The following LRRTM3 variants were observed in gnomAD, a reference collection of about 807,000 sequenced individuals.
LRRTM3 encodes leucine-rich repeat transmembrane neuronal protein 3.
LRRTM3 carries 24 observed loss-of-function variants against 44.7 expected under a neutral mutation model. The ratio of observed to expected loss-of-function variants is 0.54; its 90% CI spans 0.39 to 0.76. The LOEUF is 0.76. LRRTM3 is among the 30% of genes least tolerant of loss of function. LRRTM3 has a pLI of 0.00. For missense variants in LRRTM3, 587 were observed against 702.2 expected, an observed-to-expected ratio of 0.84 and a Z score of 1.85; for synonymous variants, 277 against 278.7, an observed-to-expected ratio of 0.99 and a Z score of 0.06.
At chr10:66,978,317 G>A (rs181895336) in intron 2 of LRRTM3, among the ~76,000 whole-genome samples, 161 of 151,736 alleles carry the variant, frequency 1.1e-3, no homozygotes, top group Non-Finnish European at 1.9e-3. Flanking sequence ...CTTGAGGTCA[G>A]GAGTTCGAGA....
intron 2 of LRRTM3, among the ~76,000 whole-genome samples, chr10:67,020,735 A>G (rs1348645686): frequency 6.6e-6 from 1 of 152,194 alleles, no homozygotes; most frequent in African/African-American, 2.4e-5. Context: ...AAAAAGGCAT[A>G]ATGAAAATAC....
chr10:67,012,981 C>T (rs1852435939), intron 2 of LRRTM3: 1 of 151,970 alleles, frequency 6.6e-6, no homozygotes, highest in Non-Finnish European at 1.5e-5. Context: ...TTATATTTTC[C>T]AGGTAAGGCA....
intron 2 of LRRTM3, among the ~76,000 whole-genome samples, chr10:66,936,234 A>T (rs528803595): frequency 4.7e-4 from 71 of 152,274 alleles, no homozygotes; most frequent in Non-Finnish European, 9.6e-4. Flanking sequence ...AAAATGCAAG[A>T]GCATTAAGCT....
chr10:67,015,069 T>C (rs374460508), intron 2 of LRRTM3, among the ~76,000 whole-genome samples: 22 of 152,218 alleles, frequency 1.4e-4, no homozygotes, highest in African/African-American at 5.3e-4. Flanking sequence ...GGAAAAACTT[T>C]AGGAGGTTAG....
rs56664927 is a variant in LRRTM3, at chr10:66,972,700, ATTTTTTTT to A, written c.1536+44267_1536+44274del. On this transcript the variant is annotated intron_variant, in intron 2 of 2. Coordinates refer to ENST00000361320, the MANE Select transcript of LRRTM3 (RefSeq NM_178011.5). ...ACAATTTAAAGGTTCTGTCAAATAG[ATTTTTTTT>A]TTTTTTTTTTTTTTTTTTATGAAAT... Among the ~76,000 whole-genome samples the A allele has an allele frequency of 6.6e-4, 72 of 108,658 alleles. 1 individual carries two copies. The South Asian group carries it at 0.021, about 31-fold the overall frequency. 71.3% of individuals were successfully genotyped at this position (108,658 alleles called of 152,430 possible).
At chr10:67,024,846 G>C (rs1465768351) in intron 2 of LRRTM3, among the ~76,000 whole-genome samples, 1 of 152,028 alleles carries the variant, frequency 6.6e-6, no homozygotes, top group Non-Finnish European at 1.5e-5. Context: ...GAAACCACAA[G>C]AGGCCGGGTG....
chr10:66,995,804 T>C (rs1285905146), intron 2 of LRRTM3, among the ~76,000 whole-genome samples: 1 of 152,174 alleles, frequency 6.6e-6, no homozygotes, highest in Admixed American at 6.5e-5. Flanking sequence ...TAAGGTCTAA[T>C]ACAAGCATTA....
At chr10:66,984,752 A>G (rs375119308) in intron 2 of LRRTM3, among the ~76,000 whole-genome samples, 1 of 152,196 alleles carries the variant, frequency 6.6e-6, no homozygotes, top group Admixed American at 6.5e-5. Context: ...TGCTACAAAG[A>G]AAGGAAAACG....
chr10:66,967,952 T>C (rs1174984584), intron 2 of LRRTM3, among the ~76,000 whole-genome samples: 1 of 152,130 alleles, frequency 6.6e-6, no homozygotes, highest in Admixed American at 6.5e-5. Flanking sequence ...GAATGCTTTT[T>C]GATGAATGGG....
intron 2 of LRRTM3, among the ~76,000 whole-genome samples, chr10:66,938,471 A>C (rs544920241): frequency 6.6e-6 from 1 of 152,320 alleles, no homozygotes; most frequent in African/African-American, 2.4e-5. Context: ...AATCATAAGG[A>C]AAAGAAAATA....
chr10:66,978,764 A>C (rs1850230369), intron 2 of LRRTM3, among the ~76,000 whole-genome samples: 1 of 139,518 alleles, frequency 7.2e-6, no homozygotes, highest in Non-Finnish European at 1.6e-5. Flanking sequence ...ATTTTTATTT[A>C]ATTAAATAAA....
intron 2 of LRRTM3, among the ~76,000 whole-genome samples, chr10:67,087,758 G>T (rs1857389486): frequency 6.6e-6 from 1 of 151,918 alleles, no homozygotes; most frequent in Non-Finnish European, 1.5e-5. Flanking sequence ...CAGTCATATA[G>T]TTCCTATAAA....
chr10:66,944,112 GTTGA>G (rs1848160448), intron 2 of LRRTM3, among the ~76,000 whole-genome samples: 1 of 152,178 alleles, frequency 6.6e-6, no homozygotes, highest in African/African-American at 2.4e-5. Context: ...AGCATATGGT[GTTGA>G]TTGATAGCAT....
intron 2 of LRRTM3, among the ~76,000 whole-genome samples, chr10:67,059,463 G>T (rs563250991): frequency 1.3e-5 from 2 of 152,122 alleles, no homozygotes; most frequent in African/African-American, 4.8e-5. Context: ...AGAGACACTC[G>T]ATGGCAAGAA....
At chr10:66,996,370 G>T (rs1030790742) in intron 2 of LRRTM3, among the ~76,000 whole-genome samples, 1 of 152,104 alleles carries the variant, frequency 6.6e-6, no homozygotes, top group African/African-American at 2.4e-5. Context: ...TTTGGGCTGG[G>T]TGCAATGGCT....
rs181948082 is a variant in LRRTM3 at position 66,938,034 on chromosome 10, T to A, written c.1536+9582T>A. ...GGTGGCTGATACAGTCTTTTATGCA[T>A]GATAGATGTTGTTGAATTGATTTTC... On this transcript the variant is annotated intron_variant, in intron 2 of 2. Coordinates refer to ENST00000361320, the MANE Select transcript of LRRTM3 (RefSeq NM_178011.5). 2.0e-5 allele frequency among the ~76,000 whole-genome samples: 3 copies of A among 152,314 alleles called. No individual in the cohort carries two copies. The East Asian group carries it at 5.8e-4, about 29-fold the overall frequency.
Position 66,926,261 on chromosome 10 carries a change from G to T in LRRTM3, c.-323G>T, listed in dbSNP as rs564563322. 3 of 413,632 alleles carry T rather than the reference G, an allele frequency of 7.3e-6. No homozygotes were observed. The highest frequency in any genetic ancestry group is 3.4e-4 in the Middle Eastern group (1 of 2,964). The allele number at this position is 413,632 out of a possible 1,614,324, so 25.6% of individuals were successfully genotyped here. ...CGATAAGAAGAAATTGTAGGATCCA[G>T]TTTTTTTTTTAACCGCCCCCTCCCC... is the stretch of plus-strand genomic sequence containing the variant. On this transcript the variant is annotated 5_prime_UTR_variant, in exon 1 of 3. Coordinates refer to ENST00000361320, the MANE Select transcript of LRRTM3 (RefSeq NM_178011.5).
At chr10:67,066,702 C>T (rs1589688522) in intron 2 of LRRTM3, among the ~76,000 whole-genome samples, 1 of 152,276 alleles carries the variant, frequency 6.6e-6, no homozygotes, top group East Asian at 1.9e-4. Flanking sequence ...TATTATCCCT[C>T]TTCCTTTCTG....
intron 2 of LRRTM3, among the ~76,000 whole-genome samples, chr10:66,950,952 C>T (rs1011367696): frequency 2.0e-5 from 3 of 152,124 alleles, no homozygotes; most frequent in Non-Finnish European, 4.4e-5. Context: ...TCTCTTGTCA[C>T]TGTGCAGAAA....
Sources: allele counts gnomAD v4.1 joint callset (sites outside exome capture counted in the v4.1 genomes callset), GRCh38; gene constraint gnomAD v4.1.1; transcripts MANE v1.5; gene names NCBI Gene and HGNC (gene_info 2026-07-23, HGNC 2026-07-21).